The following GHR variants were observed in gnomAD, a reference collection of about 807,000 sequenced individuals.
GHR encodes the protein GH receptor.
Under a neutral mutation model 67.1 loss-of-function variants are expected in GHR, and 35 were observed. That is an observed-to-expected ratio of 0.52 (90% confidence interval 0.40 to 0.69). The LOEUF (loss-of-function observed/expected upper bound fraction) is 0.69. Among genes scored for constraint, GHR ranks in the 30% least tolerant of loss-of-function variants. The pLI, the probability that GHR is intolerant of heterozygous loss-of-function variation, is 0.00. For synonymous variants in GHR, 272 were observed against 269.1 expected, an observed-to-expected ratio of 1.01 and a Z score of -0.10; for missense variants, 792 against 764.6, an observed-to-expected ratio of 1.04 and a Z score of -0.42.
chr5:42,505,311 G>C (rs1450014847), intron 1 of GHR, among the ~76,000 whole-genome samples: 2 of 151,826 alleles, frequency 1.3e-5, no homozygotes, highest in African/African-American at 4.8e-5. Flanking sequence ...CATTACTTGA[G>C]CAATTTTTTG....
intron 1 of GHR, among the ~76,000 whole-genome samples, chr5:42,564,128 A>C (rs1404884442): frequency 6.6e-6 from 1 of 150,688 alleles, no homozygotes; most frequent in East Asian, 1.9e-4. Flanking sequence ...AAATCTCACA[A>C]AGTGTGAGAT....
At chr5:42,560,275 C>T (rs192325156) in intron 1 of GHR, among the ~76,000 whole-genome samples, 4 of 152,210 alleles carry the variant, frequency 2.6e-5, no homozygotes, top group Non-Finnish European at 5.9e-5. Context: ...CTCACTGCAA[C>T]CTCCGCCTCC....
chr5:42,572,469 G>C (rs1750381827), intron 2 of GHR, among the ~76,000 whole-genome samples: 1 of 152,208 alleles, frequency 6.6e-6, no homozygotes, highest in Non-Finnish European at 1.5e-5. Flanking sequence ...GCAGCATGAA[G>C]ACGGTGATGA....
intron 3 of GHR, among the ~76,000 whole-genome samples, chr5:42,684,903 G>A (rs1757064555): frequency 6.6e-6 from 1 of 152,020 alleles, no homozygotes; most frequent in Non-Finnish European, 1.5e-5. Flanking sequence ...TCTCAAACAA[G>A]GATGCAGTTC....
chr5:42,609,366 G>A (rs190835449), intron 2 of GHR, among the ~76,000 whole-genome samples: 17 of 152,266 alleles, frequency 1.1e-4, no homozygotes, highest in Non-Finnish European at 2.5e-4. Context: ...CACAGAGCAG[G>A]GAAGACGAGA....
At chr5:42,530,524 T>G (rs1747918427) in intron 1 of GHR, among the ~76,000 whole-genome samples, 1 of 152,238 alleles carries the variant, frequency 6.6e-6, no homozygotes, top group African/African-American at 2.4e-5. Context: ...ATCTGCTACC[T>G]AGTTTGCCTT....
At chr5:42,690,420 TGGCAG>T (rs766550061) in intron 4 of GHR, among the ~76,000 whole-genome samples, 1 of 152,184 alleles carries the variant, frequency 6.6e-6, no homozygotes, top group Non-Finnish European at 1.5e-5. Context: ...GAAAAATACT[TGGCAG>T]AGTACTTGAC....
chr5:42,671,226 C>G (rs1361899204), intron 3 of GHR, among the ~76,000 whole-genome samples: 2 of 152,062 alleles, frequency 1.3e-5, no homozygotes, highest in Non-Finnish European at 2.9e-5. Flanking sequence ...CTGGGGAAGC[C>G]TCATGAAATT....
intron 2 of GHR, among the ~76,000 whole-genome samples, chr5:42,591,821 A>G (rs1031489454): frequency 1.3e-5 from 2 of 152,276 alleles, no homozygotes; most frequent in African/African-American, 4.8e-5. Context: ...ATTGAAAGAA[A>G]CAGATAAACT....
chr5:42,675,640 A>G (rs1338886029), intron 3 of GHR, among the ~76,000 whole-genome samples: 4 of 152,240 alleles, frequency 2.6e-5, no homozygotes, highest in African/African-American at 9.6e-5. Context: ...AAGGGAAGTT[A>G]TACAATACAT....
intron 1 of GHR, among the ~76,000 whole-genome samples, chr5:42,557,024 G>A (rs1174875327): frequency 6.6e-6 from 1 of 152,144 alleles, no homozygotes; most frequent in Non-Finnish European, 1.5e-5. Flanking sequence ...TGGGATTTCT[G>A]TATCTAATTT....
Position 42,565,753 on chromosome 5 carries a change from T to C in GHR, c.-11-111T>C. Reference sequence around the variant, plus strand: ...GTGAAAGACTTACCAGGATTCCTTCTGGAACTGACTCGTCAGCTCATTCAT... The same window carrying C: ...GTGAAAGACTTACCAGGATTCCTTCCGGAACTGACTCGTCAGCTCATTCAT... On this transcript the variant is annotated intron_variant, in intron 1 of 9. Transcript: ENST00000230882. 4 of 1,595,590 alleles carry C rather than the reference T, an allele frequency of 2.5e-6. No individual in the cohort carries two copies. The South Asian group carries it at 4.5e-5, about 18-fold the overall frequency.
At chr5:42,644,719 A>T (rs1319841508) in intron 3 of GHR, among the ~76,000 whole-genome samples, 1 of 151,302 alleles carries the variant, frequency 6.6e-6, no homozygotes, top group Admixed American at 6.6e-5. Flanking sequence ...GCATATCATT[A>T]AAAAAAAGAT....
intron 1 of GHR, among the ~76,000 whole-genome samples, chr5:42,502,327 CAA>C (rs1746573101): frequency 6.6e-6 from 1 of 152,020 alleles, no homozygotes; most frequent in South Asian, 2.1e-4. Context: ...ATAAGTAAGA[CAA>C]AGCAGAGAAA....
chr5:42,515,344 A>C (rs1363031154), intron 1 of GHR, among the ~76,000 whole-genome samples: 1 of 152,020 alleles, frequency 6.6e-6, no homozygotes, highest in Non-Finnish European at 1.5e-5. Flanking sequence ...TTCCTTTTTC[A>C]TCTCCCAATA....
intron 1 of GHR, among the ~76,000 whole-genome samples, chr5:42,525,071 C>G (rs1293517138): frequency 1.3e-5 from 2 of 152,240 alleles, no homozygotes; most frequent in Non-Finnish European, 1.5e-5. Flanking sequence ...CACAGAGTCC[C>G]TGCTGGGGCA....
chr5:42,670,870 A>T (rs1463079425), intron 3 of GHR, among the ~76,000 whole-genome samples: 1 of 87,364 alleles, frequency 1.1e-5, no homozygotes, highest in African/African-American at 4.0e-5. Context: ...AAAATTAAAA[A>T]AAAAAAAAAA....
At chr5:42,688,540 C>T (rs1161275717) in intron 3 of GHR, among the ~76,000 whole-genome samples, 1 of 152,166 alleles carries the variant, frequency 6.6e-6, no homozygotes, top group Non-Finnish European at 1.5e-5. Flanking sequence ...CTTTCCTTCC[C>T]ACCCTCCCCA....
At chr5:42,666,038 G>A (rs1755957331) in intron 3 of GHR, among the ~76,000 whole-genome samples, 1 of 152,102 alleles carries the variant, frequency 6.6e-6, no homozygotes, top group Admixed American at 6.6e-5. Flanking sequence ...AATTCAAGAT[G>A]TGATTTGTAT....
Sources: gnomAD v4.1 joint callset for allele counts (sites outside exome capture counted in the v4.1 genomes callset) on GRCh38, gnomAD v4.1.1 for gene constraint, MANE v1.5 for transcripts, NCBI Gene and HGNC (gene_info 2026-07-23, HGNC 2026-07-21) for gene names.